Variants in DHX35 observed in about 807,000 individuals in gnomAD.
DHX35 encodes the protein DEAH-box helicase 35, also known as probable ATP-dependent RNA helicase DHX35.
Under a neutral mutation model 99.6 loss-of-function variants are expected in DHX35, and 84 were observed. The observed-to-expected ratio is 0.84, with a 90% CI of 0.71 to 1.01. The LOEUF is 1.01. Ranked by LOEUF, DHX35 falls within the 50% of genes least tolerant of loss-of-function variation. The probability of loss-of-function intolerance (pLI) is 0.00; values close to 1 mark genes in which losing one functional copy is unlikely to be tolerated. For missense variants in DHX35, 852 were observed against 888.5 expected, an observed-to-expected ratio of 0.96 and a Z score of 0.52; for synonymous variants, 331 against 316.2, an observed-to-expected ratio of 1.05 and a Z score of -0.50.
At chr20:39,017,551 C>T (rs2145924466) in intron 14 of DHX35, among the ~76,000 whole-genome samples, 1 of 152,132 alleles carries the variant, frequency 6.6e-6, no homozygotes. Flanking sequence ...GATAGAGGGA[C>T]CCCCCGCCTC....
chr20:39,026,870 C>T (rs894382125), intron 18 of DHX35, among the ~76,000 whole-genome samples: 13 of 152,154 alleles, frequency 8.5e-5, no homozygotes, highest in African/African-American at 3.1e-4. Context: ...TCGTCAAACG[C>T]CTGTCACCCA....
At chr20:38,967,792 C>G (rs2085931485) in intron 1 of DHX35, among the ~76,000 whole-genome samples, 1 of 152,162 alleles carries the variant, frequency 6.6e-6, no homozygotes, top group African/African-American at 2.4e-5. Flanking sequence ...TCCCATCTAT[C>G]CACTCCCGAT....
intron 3 of DHX35, among the ~76,000 whole-genome samples, chr20:38,982,625 C>T (rs542890509): frequency 6.6e-6 from 1 of 152,108 alleles, no homozygotes; most frequent in East Asian, 1.9e-4. Context: ...TCCCTGTTCC[C>T]CTCCCTCCAT....
At chr20:38,994,111 G>A (rs907305683) in intron 7 of DHX35, among the ~76,000 whole-genome samples, 1 of 152,158 alleles carries the variant, frequency 6.6e-6, no homozygotes, top group African/African-American at 2.4e-5. Context: ...TATTTTCATT[G>A]TTATTTTATT....
chr20:39,033,679 T>C (rs1250322743), intron 20 of DHX35, among the ~76,000 whole-genome samples: 2 of 152,248 alleles, frequency 1.3e-5, no homozygotes, highest in Admixed American at 6.5e-5. Flanking sequence ...CGGTTGTCTA[T>C]TACCTGAGCC....
At chr20:39,014,351 GC>G (rs1173024523) in intron 13 of DHX35, among the ~76,000 whole-genome samples, 1 of 152,174 alleles carries the variant, frequency 6.6e-6, no homozygotes, top group Non-Finnish European at 1.5e-5. Flanking sequence ...GGTCTCTAGA[GC>G]TATTATTTTT....
intron 1 of DHX35, chr20:38,962,658 C>CCTG: frequency 1.9e-6 from 1 of 527,852 alleles, no homozygotes; most frequent in Non-Finnish European, 3.4e-6. Flanking sequence ...CAGGCCTCGT[C>CCTG]TTCCTCGTTA....
chr20:39,023,765 A>G lies in DHX35; in HGVS notation c.1669A>G (p.Lys557Glu). ...TMLNIYEAFIKHNKDSKWCQE... is the reference protein window; with the variant it reads ...TMLNIYEAFIEHNKDSKWCQE... ...GCTCAATATATATGAAGCATTTATC[A>G]AAGTAAGCACAACTACTGCTCGAAG... Residue 557 changes from lysine (K) to glutamate (E), a missense_variant and splice_region_variant, in exon 17 of 22, where the codon AAA becomes GAA. Physicochemically the swap from Lys to Glu is moderately conservative, Grantham distance 56 (BLOSUM62 1). Coordinates refer to ENST00000252011, the MANE Select transcript of DHX35 (RefSeq NM_021931.4). 1 of 1,613,616 alleles carries G rather than the reference A, an allele frequency of 6.2e-7. No homozygotes were observed. The highest frequency in any genetic ancestry group is 8.5e-7 in the Non-Finnish European group (1 of 1,179,606).
At chr20:39,014,663 G>A (rs140916936) in intron 13 of DHX35, among the ~76,000 whole-genome samples, 14 of 152,232 alleles carry the variant, frequency 9.2e-5, no homozygotes, top group African/African-American at 3.1e-4. Flanking sequence ...AAAGGGAAAT[G>A]TTTCATCAAG....
intron 1 of DHX35, among the ~76,000 whole-genome samples, chr20:38,966,415 A>G (rs940395084): frequency 7.9e-5 from 12 of 152,232 alleles, no homozygotes; most frequent in Non-Finnish European, 1.2e-4. Flanking sequence ...CATGCCTATA[A>G]TCCTAGCACT....
chr20:38,966,830 G>A (rs2085918882), intron 1 of DHX35, among the ~76,000 whole-genome samples: 1 of 152,184 alleles, frequency 6.6e-6, no homozygotes, highest in South Asian at 2.1e-4. Context: ...CAGCAGAAAA[G>A]GATAAGGTAT....
intron 3 of DHX35, among the ~76,000 whole-genome samples, chr20:38,975,294 G>A (rs2086059589): frequency 2.0e-5 from 3 of 152,202 alleles, no homozygotes; most frequent in Non-Finnish European, 4.4e-5. Context: ...AACCGTATAT[G>A]CAGATGGAAT....
At chr20:39,023,603 T>G (rs921302039) in intron 16 of DHX35, 87 bp from the exon 17 acceptor site, 1 of 1,297,258 alleles carries the variant, frequency 7.7e-7, no homozygotes, top group Non-Finnish European at 1.1e-6. Flanking sequence ...TCCTCCCACC[T>G]TAGCCTCACC....
At chr20:38,980,037 CG>C (rs1345244278) in intron 3 of DHX35, among the ~76,000 whole-genome samples, 1 of 152,104 alleles carries the variant, frequency 6.6e-6, no homozygotes, top group African/African-American at 2.4e-5. Context: ...GATCTCCCTC[CG>C]TGACTCTCCA....
chr20:38,972,004 G>T (rs139612990), intron 2 of DHX35, among the ~76,000 whole-genome samples: 5,708 of 81,452 alleles, frequency 0.07, 381 homozygotes, highest in Non-Finnish European at 0.078. Context: ...GTTTTGTTTT[G>T]TTTTTTTTTT....
rs141630943 is a variant in DHX35, at chr20:39,030,889, G to A, written c.1955+114G>A. On this transcript the variant is annotated intron_variant, in intron 20 of 21. Coordinates refer to ENST00000252011, the MANE Select transcript of DHX35 (RefSeq NM_021931.4). The stretch of plus-strand genomic sequence containing the variant: ...CTAGAATTGCTGCTCTGGGCCGGGC[G>A]TGGTGGCTCACGCCTGTAATCCCAG... 1,096 of 1,208,018 alleles carry A rather than the reference G, an allele frequency of 9.1e-4. 14 individuals carry two copies. The East Asian group carries it at 0.025, about 28-fold the overall frequency. 74.8% of individuals were successfully genotyped at this position (1,208,018 alleles called of 1,614,324 possible). A position where few individuals can be genotyped will look rare whatever the true frequency, so the allele number is the denominator to read the frequency against.
intron 3 of DHX35, among the ~76,000 whole-genome samples, chr20:38,973,859 G>T (rs1467957211): frequency 6.6e-6 from 1 of 152,132 alleles, no homozygotes; most frequent in Non-Finnish European, 1.5e-5. Context: ...TTACCATCTG[G>T]CCCTTTACAG....
At chr20:39,007,391 G>C (rs970110546) in intron 12 of DHX35, among the ~76,000 whole-genome samples, 3 of 152,230 alleles carry the variant, frequency 2.0e-5, no homozygotes, top group Non-Finnish European at 1.5e-5. Context: ...ATTATGGTAT[G>C]ATAGGGAGCC....
intron 6 of DHX35, 64 bp from the exon 7 acceptor site, chr20:38,992,291 TG>T (rs2086351588): frequency 7.5e-6 from 10 of 1,335,348 alleles, no homozygotes; most frequent in Non-Finnish European, 1.1e-5. Flanking sequence ...AGCTCTTTGA[TG>T]GTCTAGATGA....
Sources: gnomAD v4.1 joint callset for allele counts (sites outside exome capture counted in the v4.1 genomes callset) on GRCh38, gnomAD v4.1.1 for gene constraint, MANE v1.5 for transcripts, NCBI Gene and HGNC (gene_info 2026-07-23, HGNC 2026-07-21) for gene names.